Variants in LINS1 observed in about 807,000 individuals in gnomAD.
The protein encoded by LINS1 is lines homolog 1.
LINS1 carries 27 observed loss-of-function variants against 41.6 expected under a neutral mutation model. That is an observed-to-expected ratio of 0.65 (90% CI 0.48 to 0.89). The LOEUF is 0.89. Among genes scored for constraint, LINS1 ranks in the 40% least tolerant of loss-of-function variants. The pLI is 0.00. For missense variants in LINS1, 955 were observed against 884.1 expected (o/e 1.08, Z -1.02); for synonymous variants, 336 against 312.9 (o/e 1.07, Z -0.78).
At chr15:100,594,179 C>A (rs905044057) in intron 1 of LINS1, among the ~76,000 whole-genome samples, 1 of 152,120 alleles carries the variant, frequency 6.6e-6, no homozygotes, top group Admixed American at 6.6e-5. Context: ...ATAGTTGTTA[C>A]ACTGTATTGT....
chr15:100,582,204 T>TAC (rs2038579397), intron 1 of LINS1, among the ~76,000 whole-genome samples: 1 of 146,402 alleles, frequency 6.8e-6, no homozygotes, highest in African/African-American at 2.5e-5. Context: ...CCGTCTACAC[T>TAC]ATGGCCACTA....
chr15:100,569,651 G>A lies in LINS1; in HGVS notation c.1861C>T (p.Arg621Trp), dbSNP rs751264770. Reference sequence around the variant, plus strand: ...TAATCTACCAGACTTTGAGAGGCCCGGGGGGAAGACAGACTAGAAGCACAC... The same window carrying A: ...TAATCTACCAGACTTTGAGAGGCCCAGGGGGAAGACAGACTAGAAGCACAC... ...TMCASSLSSP[R>W]ASQSLVDYDS... is the part of the protein sequence containing the mutation. The change falls in exon 7 of 7, where the codon CGG becomes TGG. Residue 621 changes from arginine to tryptophan, a missense_variant. Transcript: ENST00000314742. 51 of 1,610,472 alleles carry A rather than the reference G, an allele frequency of 3.2e-5. No individual in the cohort carries two copies. Among genetic ancestry groups the A allele is most frequent in the Middle Eastern group, 1.6e-4 (1 of 6,078 alleles).
At chr15:100,591,279 T>C (rs968214982) in intron 1 of LINS1, among the ~76,000 whole-genome samples, 35 of 152,234 alleles carry the variant, frequency 2.3e-4, no homozygotes, top group African/African-American at 8.4e-4. Flanking sequence ...GAATGTCAAA[T>C]GGTCTCTCTT....
chr15:100,576,630 T>C (rs2038200451), intron 3 of LINS1: 1 of 152,328 alleles, frequency 6.6e-6, no homozygotes, highest in South Asian at 2.1e-4. Flanking sequence ...TCTGAAACTA[T>C]TCCAATCAAC....
intron 1 of LINS1, among the ~76,000 whole-genome samples, chr15:100,585,198 C>G (rs4583223): frequency 0.23 from 34,983 of 152,214 alleles, 4,696 homozygotes; most frequent in Non-Finnish European, 0.3. Context: ...GTCTGACACT[C>G]TAAGATTGGA....
At chr15:100,571,555 C>T (rs1193658188) in intron 6 of LINS1, among the ~76,000 whole-genome samples, 1 of 152,120 alleles carries the variant, frequency 6.6e-6, no homozygotes, top group Non-Finnish European at 1.5e-5. Flanking sequence ...CTTACTGAAG[C>T]TTAATACAAA....
intron 3 of LINS1, among the ~76,000 whole-genome samples, chr15:100,577,537 T>A (rs1236726536): frequency 6.6e-6 from 1 of 152,176 alleles, no homozygotes; most frequent in Non-Finnish European, 1.5e-5. Flanking sequence ...CACAAACAAA[T>A]GGAAGAACAT....
chr15:100,594,298 G>A (rs975101567), intron 1 of LINS1, among the ~76,000 whole-genome samples: 8 of 152,026 alleles, frequency 5.3e-5, no homozygotes, highest in African/African-American at 1.2e-4. Context: ...GGATCCAGAG[G>A]GCCGACTATA....
chr15:100,571,175 A>G (rs1340607234), intron 6 of LINS1, among the ~76,000 whole-genome samples: 9 of 152,346 alleles, frequency 5.9e-5, no homozygotes, highest in African/African-American at 2.2e-4. Context: ...AATACAAGTA[A>G]GTACTGGCGG....
chr15:100,582,721 C>G (rs2038613409), intron 1 of LINS1, among the ~76,000 whole-genome samples: 1 of 148,998 alleles, frequency 6.7e-6, no homozygotes, highest in Non-Finnish European at 1.5e-5. Context: ...CTAGCCTAGT[C>G]TTGGTCTTAT....
chr15:100,572,818 T>A, intron 5 of LINS1: 1 of 918,864 alleles, frequency 1.1e-6, no homozygotes, highest in African/African-American at 1.8e-5. Flanking sequence ...ACAATTTCTT[T>A]GTCAATATAA....
At chr15:100,590,905 A>G (rs530987837) in intron 1 of LINS1, among the ~76,000 whole-genome samples, 2 of 152,292 alleles carry the variant, frequency 1.3e-5, no homozygotes, top group South Asian at 2.1e-4. Flanking sequence ...TCGGCCAGGC[A>G]TGGTAGCTCA....
rs1302508129 is a variant in LINS1 at position 100,568,114 on chromosome 15, T to G, written c.*1124A>C. On this transcript the variant is annotated 3_prime_UTR_variant, in exon 7 of 7. Transcript: ENST00000314742. ...CCTCAAGAATATGGAACATAATTAT[T>G]CATGTCACAATTTTAAATAGGAAAA... 6.6e-6 allele frequency: 1 copy of G among 152,026 alleles called. No individual in the cohort carries two copies. Among genetic ancestry groups the G allele is most frequent in the African/African-American group, 2.4e-5 (1 of 41,428 alleles). The allele number at this position is 152,026 out of a possible 1,614,324, so 9.4% of individuals were successfully genotyped here.
intron 1 of LINS1, among the ~76,000 whole-genome samples, chr15:100,590,883 A>G (rs946938301): frequency 6.6e-6 from 1 of 152,236 alleles, no homozygotes; most frequent in East Asian, 1.9e-4. Flanking sequence ...CCCAATAGTC[A>G]TAACAATAGT....
intron 5 of LINS1, chr15:100,573,029 C>T (rs2037923131): frequency 6.1e-6 from 1 of 163,642 alleles, no homozygotes; most frequent in South Asian, 2.0e-4. Context: ...GTAAACACAA[C>T]AATAACAAAG....
Position 100,580,743 on chromosome 15 carries a change from G to C in LINS1, c.100C>G (p.Pro34Ala). Residue 34 changes from proline (P) to alanine (A), a missense_variant, in exon 2 of 7, where the codon CCA (proline) becomes GCA (alanine). Pro to Ala is a conservative substitution (Grantham distance 27). Transcript: ENST00000314742. ...GAACAATCTTGATCTGAAACTGCTG[G>C]GTTGAGATAAAAGATGTAATCATGG... ...DSHDYIFYLN[P>A]AVSDQDCSTA... 6.2e-7 allele frequency: 1 copy of C among 1,610,468 alleles called. No individual in the cohort carries two copies. Among genetic ancestry groups the C allele is most frequent in the Non-Finnish European group, 8.5e-7 (1 of 1,177,208 alleles).
chr15:100,580,421 C>G, intron 2 of LINS1, 23 bp downstream of exon 2: 1 of 1,610,174 alleles, frequency 6.2e-7, no homozygotes, highest in Non-Finnish European at 8.5e-7. Context: ...ATATCTACAT[C>G]TTTAGAAAAA....
At chr15:100,573,586 A>C (rs763752949) in intron 5 of LINS1, 65 bp downstream of exon 5, 12 of 1,027,202 alleles carry the variant, frequency 1.2e-5, no homozygotes, top group Non-Finnish European at 1.8e-5. Flanking sequence ...AGATTTGATA[A>C]TTATGAATTA....
intron 1 of LINS1, among the ~76,000 whole-genome samples, chr15:100,590,401 G>T (rs2038982605): frequency 6.6e-6 from 1 of 152,196 alleles, no homozygotes; most frequent in South Asian, 2.1e-4. Flanking sequence ...CTCATCATCA[G>T]TCAGAAACAG....
Sources: gnomAD v4.1 joint callset for allele counts (sites outside exome capture counted in the v4.1 genomes callset) on GRCh38, gnomAD v4.1.1 for gene constraint, MANE v1.5 for transcripts, NCBI Gene and HGNC (gene_info 2026-07-23, HGNC 2026-07-21) for gene names.